The following AMH variants were observed in gnomAD, a reference collection of about 807,000 sequenced individuals.
AMH encodes the protein anti-Muellerian hormone.
AMH carries 39 observed loss-of-function variants against 33.3 expected under a neutral mutation model. That is an observed-to-expected ratio of 1.17 (90% CI 0.91 to 1.53). AMH has a LOEUF of 1.53. Ranked by LOEUF, AMH falls within the 40% of genes most tolerant of loss-of-function variation. The pLI is 0.00. For missense variants in AMH, 1,019 were observed against 799.8 expected (o/e 1.27, Z -3.30); for synonymous variants, 536 against 403.0 (o/e 1.33, Z -3.95).
rs1332201650 is a variant in AMH, at chr19:2,251,000, G to A, written c.816G>A (p.Pro272=). ...GCCAGCTGGACACCGTGCCCTTCCC[G>A]CCGCCCAGGTGCGCGCAGGCACCGG... ...AHGQLDTVPF[P]PPRPSAELEE... The change falls in exon 4 of 5, where the codon CCG becomes CCA. Residue 272 remains proline (P), a synonymous_variant. Coordinates refer to ENST00000221496, the MANE Select transcript of AMH (RefSeq NM_000479.5). The A allele has an allele frequency of 2.0e-6, 3 of 1,513,946 alleles. No individual in the cohort carries two copies. Among genetic ancestry groups the A allele is most frequent in the African/African-American group, 1.4e-5 (1 of 69,938 alleles). The allele number at this position is 1,513,946 out of a possible 1,614,324, so 93.8% of individuals were successfully genotyped here.
Position 2,250,554 on chromosome 19 carries a change from G to A in AMH, c.555+75G>A, listed in dbSNP as rs1422048814. The A allele has an allele frequency of 1.6e-5, 25 of 1,539,358 alleles. No individual in the cohort carries two copies. The East Asian group carries it at 3.7e-4, about 23-fold the overall frequency. ...GATTTGTTGCAGGGTCTGCAGTACTGAGAACAGCGTAGAACCAGTGGCGAT... is the reference window on the plus strand; with the variant it reads ...GATTTGTTGCAGGGTCTGCAGTACTAAGAACAGCGTAGAACCAGTGGCGAT... On this transcript the variant is annotated intron_variant, in intron 2 of 4. Coordinates refer to ENST00000221496, the MANE Select transcript of AMH (RefSeq NM_000479.5).
Position 2,249,730 on chromosome 19 carries a change from T to TA in AMH, c.399dup (p.His134ThrfsTer40). The TA allele has an allele frequency of 6.6e-7, 1 of 1,505,684 alleles. No homozygotes were observed. Among genetic ancestry groups the TA allele is most frequent in the Non-Finnish European group, 8.8e-7 (1 of 1,132,584 alleles). 93.3% of individuals were successfully genotyped at this position (1,505,684 alleles called of 1,614,324 possible). ...CCTGGGGGGCAGCGCCTGGTGGTCC[T>TA]ACACCTGGAGGAAGGTATGTGGGGC... On this transcript the variant is annotated frameshift_variant, in exon 1 of 5. Transcript: ENST00000221496. LOFTEE classifies it high-confidence loss of function.
At position 2,249,342 on chromosome 19, in the gene AMH, C is replaced by T. The variant is rs1264306428; in HGVS notation, c.10C>T (p.Leu4=). The change falls in exon 1 of 5, where the codon CTG becomes TTG. Residue 4 remains leucine (L), a synonymous_variant. Coordinates refer to ENST00000221496, the MANE Select transcript of AMH (RefSeq NM_000479.5). ...CCTGGCAGCACCCACGATGCGGGAC[C>T]TGCCTCTCACCAGCCTGGCCCTAGT... The part of the protein sequence containing the change: MRD[L]PLTSLALVLS... The T allele has an allele frequency of 1.3e-6, 2 of 1,571,386 alleles. No individual in the cohort carries two copies. Among genetic ancestry groups the T allele is most frequent in the African/African-American group, 1.4e-5 (1 of 73,948 alleles).
In AMH at chr19:2,251,700, T is replaced by C. The variant is rs759997562; in HGVS notation, c.1426T>C (p.Ser476Pro). The C allele has an allele frequency of 8.1e-6, 13 of 1,611,334 alleles. No homozygotes were observed. Among genetic ancestry groups the C allele is most frequent in the Admixed American group, 1.7e-5 (1 of 59,962 alleles). The change falls in exon 5 of 5, where the codon TCC becomes CCC. Residue 476 changes from serine to proline, a missense_variant. Ser to Pro is a moderately conservative substitution (Grantham distance 74). Coordinates refer to ENST00000221496, the MANE Select transcript of AMH (RefSeq NM_000479.5). ...ELSVDLRAER[S>P]VLIPETYQAN... ...CAGCGTAGACCTCCGCGCCGAGCGCTCCGTACTCATCCCCGAGACCTACCA... is the reference window on the plus strand; with the variant it reads ...CAGCGTAGACCTCCGCGCCGAGCGCCCCGTACTCATCCCCGAGACCTACCA...
chr19:2,250,144 C>G (rs1156669719), intron 1 of AMH, 193 bp from the exon 2 acceptor site: 2 of 932,928 alleles, frequency 2.1e-6, no homozygotes, highest in Non-Finnish European at 1.6e-6. Context: ...GCCCCACCCA[C>G]AGCCTCAGAC....
rs2025040039 is a variant in AMH at position 2,251,382 on chromosome 19, C to T, written c.1108C>T (p.Pro370Ser). 7 of 1,469,570 alleles carry T rather than the reference C, an allele frequency of 4.8e-6. No individual in the cohort carries two copies. The Admixed American group carries it at 1.2e-4, about 25-fold the overall frequency. 91.0% of individuals were successfully genotyped at this position (1,469,570 alleles called of 1,614,324 possible). ...PAPLHDPTSA[P>S]WATALARRVA... ...GCCCCTGCACGACCCCACGTCGGCGCCGTGGGCCACGGCCCTGGCGCGCCG... is the reference window on the plus strand; with the variant it reads ...GCCCCTGCACGACCCCACGTCGGCGTCGTGGGCCACGGCCCTGGCGCGCCG... The change falls in exon 5 of 5, where the codon CCG becomes TCG. Residue 370 changes from proline (P) to serine (S), a missense_variant. Pro to Ser is a moderately conservative substitution (Grantham distance 74). Transcript: ENST00000221496.
In AMH at chr19:2,249,707, T is replaced by C. The variant is rs748904429; in HGVS notation, c.375T>C (p.Pro125=). The C allele has an allele frequency of 2.1e-5, 31 of 1,505,418 alleles. No homozygotes were observed. Among genetic ancestry groups the C allele is most frequent in the Non-Finnish European group, 2.6e-5 (29 of 1,132,284 alleles). The allele number at this position is 1,505,418 out of a possible 1,614,324, so 93.3% of individuals were successfully genotyped here. A position where few individuals can be genotyped will look rare whatever the true frequency, so the allele number is the denominator to read the frequency against. The change falls in exon 1 of 5, where the codon CCT becomes CCC. Residue 125 remains proline, a synonymous_variant. Transcript: ENST00000221496. ...GGCTGGGGGCCTGGCTGCGGGACCCTGGGGGGCAGCGCCTGGTGGTCCTAC... is the reference window on the plus strand; with the variant it reads ...GGCTGGGGGCCTGGCTGCGGGACCCCGGGGGGCAGCGCCTGGTGGTCCTAC... ...LRRLGAWLRD[P]GGQRLVVLHL... is the part of the protein sequence containing the mutation.
intron 1 of AMH, chr19:2,249,947 GC>G: frequency 1.5e-6 from 1 of 682,458 alleles, no homozygotes; most frequent in South Asian, 2.1e-5. Flanking sequence ...TCTTAGACTT[GC>G]CCCTGCCTCG....
Position 2,251,108 on chromosome 19 carries a change from G to T in AMH, c.834G>T (p.Ala278=). The change falls in exon 5 of 5, where the codon GCG becomes GCT. Residue 278 remains alanine (A), a synonymous_variant. Coordinates refer to ENST00000221496, the MANE Select transcript of AMH (RefSeq NM_000479.5). The part of the protein sequence containing the change: ...TVPFPPPRPS[A]ELEESPPSAD... The stretch of plus-strand genomic sequence containing the variant: ...CAATTGCGGGTTCCAGGCCATCCGC[G>T]GAACTCGAGGAGTCGCCACCCAGCG... The T allele has an allele frequency of 6.5e-7, 1 of 1,542,430 alleles. No homozygotes were observed. Among genetic ancestry groups the T allele is most frequent in the East Asian group, 2.4e-5 (1 of 40,894 alleles).
At position 2,251,560 on chromosome 19, in the gene AMH, A is replaced by G; in HGVS notation, c.1286A>G (p.Lys429Arg). 2 of 1,322,462 alleles carry G rather than the reference A, an allele frequency of 1.5e-6. No individual in the cohort carries two copies. 81.9% of individuals were successfully genotyped at this position (1,322,462 alleles called of 1,614,324 possible). ...GDPLRALLLL[K>R]ALQGLRVEWR... ...CCCCTGCGAGCGCTGCTGCTCCTGA[A>G]GGCGCTGCAGGGCCTGCGCGTGGAG... Residue 429 changes from lysine (K) to arginine (R), a missense_variant, in exon 5 of 5, where the codon AAG becomes AGG. Lys to Arg is a conservative substitution (Grantham distance 26, BLOSUM62 2). Coordinates refer to ENST00000221496, the MANE Select transcript of AMH (RefSeq NM_000479.5).
intron 2 of AMH, 39 bp downstream of exon 2, chr19:2,250,518 CG>C: frequency 2.6e-6 from 4 of 1,543,102 alleles, no homozygotes; most frequent in Non-Finnish European, 1.7e-6. Flanking sequence ...CGGGCCGTGG[CG>C]GGGGGCATGG....
Position 2,250,459 on chromosome 19 carries a change from G to C in AMH, c.535G>C (p.Ala179Pro), listed in dbSNP as rs1458961580. ...GPGPEVTVTR[A>P]GLPGAQSLCP... ...TGGCCCTGAGGTCACTGTGACGAGG[G>C]CTGGGCTGCCGGGTGCCCAGGTACC... is the stretch of plus-strand genomic sequence containing the variant. Residue 179 changes from alanine (A) to proline (P), a missense_variant, in exon 2 of 5, where the codon GCT becomes CCT. Transcript: ENST00000221496. 6.4e-7 allele frequency: 1 copy of C among 1,550,634 alleles called. No individual in the cohort carries two copies. The highest frequency in any genetic ancestry group is 8.7e-7 in the Non-Finnish European group (1 of 1,148,276).
chr19:2,251,685 C>G lies in AMH; in HGVS notation c.1411C>G (p.Leu471Val). 6.2e-7 allele frequency: 1 copy of G among 1,611,246 alleles called. No homozygotes were observed. The highest frequency in any genetic ancestry group is 8.5e-7 in the Non-Finnish European group (1 of 1,179,410). ...PCALRELSVD[L>V]RAERSVLIPE... Reference sequence around the variant, plus strand: ...CGCGCTGCGCGAGCTCAGCGTAGACCTCCGCGCCGAGCGCTCCGTACTCAT... The same window carrying G: ...CGCGCTGCGCGAGCTCAGCGTAGACGTCCGCGCCGAGCGCTCCGTACTCAT... The change falls in exon 5 of 5, where the codon CTC becomes GTC. Residue 471 changes from leucine to valine, a missense_variant. By Grantham distance (32) the Leu-to-Val change is conservative. Coordinates refer to ENST00000221496, the MANE Select transcript of AMH (RefSeq NM_000479.5).
Position 2,251,891 on chromosome 19 carries a change from G to A in AMH, c.1617G>A (p.Leu539=), listed in dbSNP as rs1486152550. 1 of 1,577,588 alleles carries A rather than the reference G, an allele frequency of 6.3e-7. No homozygotes were observed. The highest frequency in any genetic ancestry group is 1.8e-5 in the Admixed American group (1 of 57,074). Residue 539 remains leucine (L), a synonymous_variant, in exon 5 of 5, where the codon CTG becomes CTA. Transcript: ENST00000221496. The stretch of plus-strand genomic sequence containing the variant: ...ACGCGGGCAAGCTGCTCATCAGCCT[G>A]TCGGAGGAGCGCATCAGCGCGCACC... ...TAYAGKLLIS[L]SEERISAHHV...
Position 2,252,062 on chromosome 19 carries a change from C to A in AMH, c.*105C>A. The A allele has an allele frequency of 6.8e-7, 1 of 1,475,110 alleles. No homozygotes were observed. Among genetic ancestry groups the A allele is most frequent in the Non-Finnish European group, 9.1e-7 (1 of 1,101,390 alleles). The allele number at this position is 1,475,110 out of a possible 1,614,324, so 91.4% of individuals were successfully genotyped here. On this transcript the variant is annotated 3_prime_UTR_variant, in exon 5 of 5. Transcript: ENST00000221496. ...CAAGCATCGCCCCAATAAAGACCAGCAAGCAACCGGCTGGGGTGTCCGTGC... is the reference window on the plus strand; with the variant it reads ...CAAGCATCGCCCCAATAAAGACCAGAAAGCAACCGGCTGGGGTGTCCGTGC...
intron 1 of AMH, 116 bp downstream of exon 1, chr19:2,249,860 C>T: frequency 4.0e-6 from 5 of 1,255,098 alleles, no homozygotes; most frequent in Non-Finnish European, 5.3e-6. Flanking sequence ...AGGCTGTGGT[C>T]TTGTTCCTAG....
At chr19:2,251,051 C>T in intron 4 of AMH, 43 bp downstream of exon 4, 5 of 1,527,702 alleles carry the variant, frequency 3.3e-6, no homozygotes, top group East Asian at 5.0e-5. Context: ...CGGGCGGGGG[C>T]GGCGTGGCCT....
Position 2,251,882 on chromosome 19 carries a change from C to T in AMH, c.1608C>T (p.Leu536=). ...CCACCGCCTACGCGGGCAAGCTGCTCATCAGCCTGTCGGAGGAGCGCATCA... is the reference window on the plus strand; with the variant it reads ...CCACCGCCTACGCGGGCAAGCTGCTTATCAGCCTGTCGGAGGAGCGCATCA... The part of the protein sequence containing the change: ...CVPTAYAGKL[L]ISLSEERISA... Residue 536 remains leucine (L), a synonymous_variant, in exon 5 of 5, where the codon CTC becomes CTT. Transcript: ENST00000221496. 1 of 1,582,818 alleles carries T rather than the reference C, an allele frequency of 6.3e-7. No individual in the cohort carries two copies. Among genetic ancestry groups the T allele is most frequent in the Non-Finnish European group, 8.5e-7 (1 of 1,171,714 alleles).
intron 3 of AMH, 40 bp downstream of exon 3, chr19:2,250,800 GCCCCCGGGC>G (rs1275279388): frequency 2.0e-6 from 3 of 1,536,934 alleles, no homozygotes; most frequent in East Asian, 4.8e-5. Flanking sequence ...CGGGTCGACT[GCCCCCGGGC>G]CCCCAGCCCC....
Sources: gnomAD v4.1 joint callset for allele counts on GRCh38, gnomAD v4.1.1 for gene constraint, MANE v1.5 for transcripts, NCBI Gene and HGNC (gene_info 2026-07-23, HGNC 2026-07-21) for gene names.